The following FAM219B variants were observed in gnomAD, a reference collection of about 807,000 sequenced individuals.
The protein encoded by FAM219B is family with sequence similarity 219 member B, also known as protein FAM219B.
In FAM219B, 18 loss-of-function variants were observed where a neutral mutation model predicts 19.9. The ratio of observed to expected loss-of-function variants is 0.91; its 90% CI spans 0.63 to 1.34. The LOEUF (loss-of-function observed/expected upper bound fraction) is 1.34. Among genes scored for constraint, FAM219B ranks in the 40% most tolerant of loss-of-function variants. The pLI is 0.00. For missense variants in FAM219B, 283 were observed against 270.5 expected (o/e 1.05, Z -0.32); for synonymous variants, 123 against 117.5 (o/e 1.05, Z -0.30).
rs938078081 is a variant in FAM219B at position 74,904,644 on chromosome 15, G to T, written c.429+20C>A. 1 of 1,614,110 alleles carries T rather than the reference G, an allele frequency of 6.2e-7. No individual in the cohort carries two copies. The highest frequency in any genetic ancestry group is 8.5e-7 in the Non-Finnish European group (1 of 1,179,956). ...GCTGCCTGCAGCCTGGCCCTGCACAGAAAGGTGTTCTGGACTTGCCTCTGC... is the reference window on the plus strand; with the variant it reads ...GCTGCCTGCAGCCTGGCCCTGCACATAAAGGTGTTCTGGACTTGCCTCTGC... On this transcript the variant is annotated intron_variant, in intron 4 of 4. Coordinates refer to ENST00000357635, the MANE Select transcript of FAM219B (RefSeq NM_020447.5).
At position 74,901,899 on chromosome 15, in the gene FAM219B, G is replaced by A; in HGVS notation, c.*720C>T. The stretch of plus-strand genomic sequence containing the variant: ...CAAATAAATAAATATGAACATGTCA[G>A]AGCAGTTTTTCTCTAACTAGGGAAG... On this transcript the variant is annotated 3_prime_UTR_variant, in exon 5 of 5. Transcript: ENST00000357635. 1 of 391,348 alleles carries A rather than the reference G, an allele frequency of 2.6e-6. No homozygotes were observed. Among genetic ancestry groups the A allele is most frequent in the Non-Finnish European group, 4.5e-6 (1 of 222,002 alleles). 24.2% of individuals were successfully genotyped at this position (391,348 alleles called of 1,614,324 possible). A position where few individuals can be genotyped will look rare whatever the true frequency, so the allele number is the denominator to read the frequency against.
At chr15:74,906,091 C>T in intron 2 of FAM219B, 187 bp downstream of exon 2, 1 of 631,040 alleles carries the variant, frequency 1.6e-6, no homozygotes, top group African/African-American at 1.8e-5. Flanking sequence ...AGCCCTTTAT[C>T]TGATCCTATC....
At position 74,904,641 on chromosome 15, in the gene FAM219B, A is replaced by G. The variant is rs774047339; in HGVS notation, c.429+23T>C. ...AATGCTGCCTGCAGCCTGGCCCTGC[A>G]CAGAAAGGTGTTCTGGACTTGCCTC... On this transcript the variant is annotated intron_variant, in intron 4 of 4. Coordinates refer to ENST00000357635, the MANE Select transcript of FAM219B (RefSeq NM_020447.5). 2.1e-5 allele frequency: 34 copies of G among 1,614,142 alleles called. No homozygotes were observed. The South Asian group carries it at 3.7e-4, about 18-fold the overall frequency.
chr15:74,906,242 A>G, intron 2 of FAM219B, 36 bp downstream of exon 2: 1 of 1,605,658 alleles, frequency 6.2e-7, no homozygotes, highest in South Asian at 1.1e-5. Flanking sequence ...CCTTCTCTAA[A>G]GCTGCTGGCA....
downstream of FAM219B, chr15:74,899,313 T>G (rs2064871136): frequency 6.6e-6 from 1 of 152,230 alleles, no homozygotes; most frequent in African/African-American, 2.4e-5. Flanking sequence ...AGAATCTTTC[T>G]GGGCTTCTGC....
rs1021504910 is a variant in FAM219B, at chr15:74,906,809, C to T, written c.-9G>A. On this transcript the variant is annotated 5_prime_UTR_variant, in exon 1 of 5. Transcript: ENST00000357635. ...GGCTCCGCGGTCGCCATGGCCGGGCCCCGCCCTGCCGGATGGTGCAACCCC... is the reference window on the plus strand; with the variant it reads ...GGCTCCGCGGTCGCCATGGCCGGGCTCCGCCCTGCCGGATGGTGCAACCCC... 7.8e-7 allele frequency: 1 copy of T among 1,277,430 alleles called. No homozygotes were observed. Among genetic ancestry groups the T allele is most frequent in the East Asian group, 3.2e-5 (1 of 31,714 alleles). The allele number at this position is 1,277,430 out of a possible 1,614,324, so 79.1% of individuals were successfully genotyped here.
chr15:74,905,360 C>A, intron 2 of FAM219B, 129 bp from the exon 3 acceptor site: 1 of 791,384 alleles, frequency 1.3e-6, no homozygotes, highest in South Asian at 1.5e-5. Context: ...TCCCTGGTCA[C>A]AGCCACCACT....
chr15:74,898,033 G>A (rs1159983564), downstream of FAM219B: 2 of 454,218 alleles, frequency 4.4e-6, no homozygotes, highest in Non-Finnish European at 8.2e-6. Flanking sequence ...CTTTAGGCTA[G>A]CTGTTAAATA....
chr15:74,906,579 A>G lies in FAM219B; in HGVS notation c.214+8T>C. On this transcript the variant is annotated splice_region_variant and intron_variant, in intron 1 of 4. Transcript: ENST00000357635. ...AGAAACCTCCCCCGACCATCGGGCCACACTCACGCAGCTTGGCTTGAATGG... is the reference window on the plus strand; with the variant it reads ...AGAAACCTCCCCCGACCATCGGGCCGCACTCACGCAGCTTGGCTTGAATGG... 6.7e-7 allele frequency: 1 copy of G among 1,501,536 alleles called. No individual in the cohort carries two copies. Among genetic ancestry groups the G allele is most frequent in the East Asian group, 2.3e-5 (1 of 43,212 alleles). The allele number at this position is 1,501,536 out of a possible 1,614,324, so 93.0% of individuals were successfully genotyped here.
chr15:74,905,511 C>A (rs781540997), intron 2 of FAM219B: 8 of 328,652 alleles, frequency 2.4e-5, no homozygotes, highest in African/African-American at 2.1e-5. Context: ...GCAATCTCCG[C>A]CTACCATGCT....
chr15:74,904,856 G>C (rs533135914), intron 3 of FAM219B, 144 bp from the exon 4 acceptor site: 5 of 1,424,674 alleles, frequency 3.5e-6, no homozygotes, highest in African/African-American at 2.8e-5. Context: ...AACAGGCCTT[G>C]AATAATACTG....
chr15:74,905,422 A>ATTCTTTTT (rs940991864), intron 2 of FAM219B, 191 bp from the exon 3 acceptor site: 1 of 542,656 alleles, frequency 1.8e-6, no homozygotes, highest in South Asian at 2.0e-5. Flanking sequence ...GTATGTTCTC[A>ATTCTTTTT]TTCTTTTTTT....
In FAM219B at chr15:74,900,281, T is replaced by A. The variant is rs2064899384; in HGVS notation, c.*2338A>T. On this transcript the variant is annotated 3_prime_UTR_variant, in exon 5 of 5. Coordinates refer to ENST00000357635, the MANE Select transcript of FAM219B (RefSeq NM_020447.5). ...GTCCCACCAGGTCCCTCCAGCTTTTTCTACAAGGTAACACCCTCCTACATG... is the reference window on the plus strand; with the variant it reads ...GTCCCACCAGGTCCCTCCAGCTTTTACTACAAGGTAACACCCTCCTACATG... 6.6e-6 allele frequency: 1 copy of A among 152,332 alleles called. No homozygotes were observed. Among genetic ancestry groups the A allele is most frequent in the African/African-American group, 2.4e-5 (1 of 41,462 alleles). The allele number at this position is 152,332 out of a possible 1,614,324, so 9.4% of individuals were successfully genotyped here.
intron 4 of FAM219B, 42 bp downstream of exon 4, chr15:74,904,622 G>C (rs373998090): frequency 6.2e-7 from 1 of 1,611,026 alleles, no homozygotes; most frequent in African/African-American, 1.3e-5. Context: ...TGGTAATGCT[G>C]CCTGCAGCCT....
chr15:74,901,874 CAAAT>C lies in FAM219B; in HGVS notation c.*741_*744del. ...GAAACTCACCCAGACCAAGGAAATA[CAAAT>C]AAATAAATATGAACATGTCAGAGCA... On this transcript the variant is annotated 3_prime_UTR_variant, in exon 5 of 5. Coordinates refer to ENST00000357635, the MANE Select transcript of FAM219B (RefSeq NM_020447.5). The C allele has an allele frequency of 2.7e-6, 1 of 376,474 alleles. No individual in the cohort carries two copies. Among genetic ancestry groups the C allele is most frequent in the Non-Finnish European group, 4.7e-6 (1 of 212,972 alleles). 23.3% of individuals were successfully genotyped at this position (376,474 alleles called of 1,614,324 possible).
Position 74,901,967 on chromosome 15 carries a change from T to C in FAM219B, c.*652A>G, listed in dbSNP as rs1258015870. 5 of 396,830 alleles carry C rather than the reference T, an allele frequency of 1.3e-5. No individual in the cohort carries two copies. Among genetic ancestry groups the C allele is most frequent in the Non-Finnish European group, 2.2e-5 (5 of 225,498 alleles). 24.6% of individuals were successfully genotyped at this position (396,830 alleles called of 1,614,324 possible). On this transcript the variant is annotated 3_prime_UTR_variant, in exon 5 of 5. Transcript: ENST00000357635. ...AAACTCACCCGGACGGTTGGACCAGTTGGGGATGCCCCAGGTCCAGGGATT... is the reference window on the plus strand; with the variant it reads ...AAACTCACCCGGACGGTTGGACCAGCTGGGGATGCCCCAGGTCCAGGGATT...
At chr15:74,898,338 CTTCTCGGGGGAGT>C, downstream of FAM219B, 1 of 177,246 alleles carries the variant, frequency 5.6e-6, no homozygotes, top group Admixed American at 5.4e-5. Context: ...TTTCATACAG[CTTCTCGGGGGAGT>C]GAGCAGGCTA....
intron 2 of FAM219B, 179 bp from the exon 3 acceptor site, chr15:74,905,410 G>GT: frequency 1.7e-6 from 1 of 578,306 alleles, no homozygotes. Flanking sequence ...GCCTCAGAAT[G>GT]TGTATGTTCT....
chr15:74,899,057 T>A (rs1332587414), downstream of FAM219B: 1 of 152,236 alleles, frequency 6.6e-6, no homozygotes, highest in African/African-American at 2.4e-5. Flanking sequence ...TTACAGGGAC[T>A]CAGGAACCGA....
Sources: allele counts gnomAD v4.1 joint callset, GRCh38; gene constraint gnomAD v4.1.1; transcripts MANE v1.5; gene names NCBI Gene and HGNC (gene_info 2026-07-23, HGNC 2026-07-21).